SFI1: variants seen among roughly 807,000 people sequenced by gnomAD.
The protein encoded by SFI1 is SFI1 centrin binding protein.
In SFI1, 195 loss-of-function variants were observed where a neutral mutation model predicts 207.5. That is an observed-to-expected ratio of 0.94 (90% CI 0.84 to 1.06). SFI1 has a LOEUF of 1.06. Ranked by LOEUF, SFI1 falls within the 50% of genes least tolerant of loss-of-function variation. The pLI is 0.00. For missense variants in SFI1, 1,634 were observed against 1,588.0 expected, an observed-to-expected ratio of 1.03 and a Z score of -0.49; for synonymous variants, 630 against 598.9, an observed-to-expected ratio of 1.05 and a Z score of -0.76.
chr22:31,582,206 T>TTATATATATATA lies in SFI1; in HGVS notation c.1249-1649_1249-1638dup, dbSNP rs1569376532. On this transcript the variant is annotated intron_variant, in intron 12 of 32. Coordinates refer to ENST00000400288, the MANE Select transcript of SFI1 (RefSeq NM_001007467.3). The stretch of plus-strand genomic sequence containing the variant: ...CCCAACAACACTTCTTTATTACATT[T>TTATATATATATA]TATATATATATATATATATATATAT... Among the ~76,000 whole-genome samples, 18 of 36,618 alleles carry TTATATATATATA rather than the reference T, an allele frequency of 4.9e-4. 1 individual carries two copies. The highest frequency in any genetic ancestry group is 1.9e-3 in the African/African-American group (16 of 8,604). The allele number at this position is 36,618 out of a possible 152,430, so 24.0% of individuals were successfully genotyped here. A position where few individuals can be genotyped will look rare whatever the true frequency, so the allele number is the denominator to read the frequency against.
chr22:31,511,001 A>G (rs1431717417), intron 2 of SFI1, among the ~76,000 whole-genome samples: 1 of 151,978 alleles, frequency 6.6e-6, no homozygotes, highest in African/African-American at 2.4e-5. Flanking sequence ...TCTTAAACTA[A>G]TTTGAATTGG....
intron 8 of SFI1, among the ~76,000 whole-genome samples, chr22:31,566,094 A>C (rs1314101932): frequency 6.6e-6 from 1 of 151,146 alleles, no homozygotes; most frequent in East Asian, 1.9e-4. Context: ...AATTACGAAC[A>C]GTACTACCAA....
chr22:31,616,088 A>C (rs1207162271), intron 29 of SFI1: 4 of 150,628 alleles, frequency 2.7e-5, no homozygotes, highest in Non-Finnish European at 5.9e-5. Flanking sequence ...AGAGGGGAGG[A>C]GGCTCCAAGC....
chr22:31,616,924 C>T (rs374323246), intron 30 of SFI1, 47 bp downstream of exon 30: 46 of 1,611,442 alleles, frequency 2.9e-5, no homozygotes, highest in African/African-American at 1.5e-4. Flanking sequence ...AGGCCACTCC[C>T]GGACCTGGGA....
chr22:31,564,283 C>T (rs561995581), intron 8 of SFI1, among the ~76,000 whole-genome samples: 11 of 148,818 alleles, frequency 7.4e-5, no homozygotes, highest in African/African-American at 1.2e-4. Context: ...GCTGAGATCA[C>T]GCCACTGCAC....
intron 24 of SFI1, 38 bp from the exon 25 acceptor site, chr22:31,613,104 G>A (rs780444110): frequency 6.9e-6 from 11 of 1,603,398 alleles, no homozygotes; most frequent in Admixed American, 1.7e-5. Context: ...CCTCCTTGAA[G>A]GGGCTATAGG....
intron 8 of SFI1, among the ~76,000 whole-genome samples, chr22:31,571,368 A>G (rs1317115763): frequency 6.6e-6 from 1 of 152,096 alleles, no homozygotes; most frequent in Non-Finnish European, 1.5e-5. Flanking sequence ...ACTAGAGTGC[A>G]GTGGTATGAT....
intron 6 of SFI1, 88 bp downstream of exon 6, chr22:31,550,436 G>A: frequency 9.9e-7 from 1 of 1,013,296 alleles, no homozygotes; most frequent in Non-Finnish European, 1.5e-6. Context: ...GTCTCAGAGA[G>A]AGAGGAACTC....
chr22:31,561,408 G>T lies in SFI1; in HGVS notation c.765+16G>T, dbSNP rs776675661. 3.6e-5 allele frequency: 58 copies of T among 1,605,494 alleles called. No individual in the cohort carries two copies. Among genetic ancestry groups the T allele is most frequent in the Non-Finnish European group, 4.5e-5 (53 of 1,175,124 alleles). On this transcript the variant is annotated intron_variant, in intron 8 of 32. Coordinates refer to ENST00000400288, the MANE Select transcript of SFI1 (RefSeq NM_001007467.3). Reference sequence around the variant, plus strand: ...CCAGGTGCAGGTGAGTCCAGCAGACGTGGGATTTGGCATCCTCTGTCAGTG... The same window carrying T: ...CCAGGTGCAGGTGAGTCCAGCAGACTTGGGATTTGGCATCCTCTGTCAGTG...
intron 24 of SFI1, 181 bp downstream of exon 24, chr22:31,612,021 G>A: frequency 1.4e-6 from 2 of 1,402,152 alleles, no homozygotes; most frequent in South Asian, 1.5e-5. Flanking sequence ...CCTTCCGTCT[G>A]CAGTCTGCAT....
chr22:31,517,032 G>A (rs2056620849), intron 2 of SFI1, among the ~76,000 whole-genome samples: 2 of 152,004 alleles, frequency 1.3e-5, no homozygotes, highest in South Asian at 4.2e-4. Flanking sequence ...TACTTGGGAG[G>A]CTGAAGCGGG....
At position 31,585,093 on chromosome 22, in the gene SFI1, G is replaced by A. The variant is rs757460080; in HGVS notation, c.1372G>A (p.Glu458Lys). The A allele has an allele frequency of 7.4e-6, 12 of 1,613,946 alleles. No homozygotes were observed. Among genetic ancestry groups the A allele is most frequent in the African/African-American group, 2.7e-5 (2 of 75,018 alleles). The part of the protein sequence containing the change: ...YRIALLCKCI[E>K]LWLQYTQKRR... ...AATAGCACTGCTGTGCAAATGTATC[G>A]AATTGTGGCTACAGTATACTCAGAA... Residue 458 changes from glutamate (E) to lysine (K), a missense_variant, in exon 14 of 33, where the codon GAA becomes AAA. Transcript: ENST00000400288.
At chr22:31,577,454 G>A (rs113705611) in intron 10 of SFI1, among the ~76,000 whole-genome samples, 6 of 152,304 alleles carry the variant, frequency 3.9e-5, no homozygotes, top group African/African-American at 1.2e-4. Flanking sequence ...CTGGAGTGCA[G>A]TGGCTTTCAC....
chr22:31,594,007 AGGGAGAGGGAGAGGGAGAGG>A (rs1236844452), intron 15 of SFI1, among the ~76,000 whole-genome samples: 1 of 116,858 alleles, frequency 8.6e-6, no homozygotes, highest in African/African-American at 3.2e-5. Flanking sequence ...GGAGAGGGAC[AGGGAGAGGGAGAGGGAGAGG>A]GAGGTGTCCA....
At chr22:31,602,877 G>T (rs2068344438) in intron 17 of SFI1, 92 bp downstream of exon 17, 1 of 1,371,292 alleles carries the variant, frequency 7.3e-7, no homozygotes, top group Non-Finnish European at 1.0e-6. Flanking sequence ...CCTGTCTGGA[G>T]GACTGCATTA....
chr22:31,525,876 G>A (rs2057858386), intron 2 of SFI1, among the ~76,000 whole-genome samples: 1 of 152,094 alleles, frequency 6.6e-6, no homozygotes, highest in Admixed American at 6.6e-5. Context: ...GGTTTATTTT[G>A]AAGTCTGGTG....
At chr22:31,540,785 T>C (rs1222626787) in intron 4 of SFI1, among the ~76,000 whole-genome samples, 2 of 151,988 alleles carry the variant, frequency 1.3e-5, no homozygotes, top group African/African-American at 4.8e-5. Flanking sequence ...TCTCGCCATG[T>C]TGGCCAGGCC....
chr22:31,588,359 G>C (rs2065313708), intron 14 of SFI1, among the ~76,000 whole-genome samples: 2 of 152,200 alleles, frequency 1.3e-5, no homozygotes, highest in Admixed American at 1.3e-4. Context: ...CAAGTCAGAA[G>C]CTCTGTGGCT....
intron 1 of SFI1, among the ~76,000 whole-genome samples, chr22:31,504,521 C>T (rs1260654388): frequency 6.6e-6 from 1 of 152,190 alleles, no homozygotes; most frequent in Non-Finnish European, 1.5e-5. Context: ...ACCCTGTTAG[C>T]TTGCCTCCAC....
Sources: allele counts gnomAD v4.1 joint callset (sites outside exome capture counted in the v4.1 genomes callset), GRCh38; gene constraint gnomAD v4.1.1; transcripts MANE v1.5; gene names NCBI Gene and HGNC (gene_info 2026-07-23, HGNC 2026-07-21).